Variants in SDK1 observed in about 807,000 individuals in gnomAD.
SDK1 encodes sidekick cell adhesion molecule 1, also known as protein sidekick-1.
In SDK1, 157 loss-of-function variants were observed where a neutral mutation model predicts 245.5. The ratio of observed to expected loss-of-function variants is 0.64; its 90% CI spans 0.56 to 0.73. The LOEUF (loss-of-function observed/expected upper bound fraction) is 0.73. SDK1 is among the 30% of genes least tolerant of loss of function. The pLI, the probability that SDK1 is intolerant of heterozygous loss-of-function variation, is 0.00. For missense variants in SDK1, 3,583 were observed against 3,002.3 expected (o/e 1.19, Z -4.52); for synonymous variants, 1,647 against 1,278.5 (o/e 1.29, Z -6.15).
chr7:3,703,548 T>G (rs1784801775), intron 4 of SDK1, among the ~76,000 whole-genome samples: 1 of 152,132 alleles, frequency 6.6e-6, no homozygotes, highest in Admixed American at 6.6e-5. Flanking sequence ...GGTGGTGAAG[T>G]CAGCTACACA....
chr7:3,720,004 A>G (rs1169465682), intron 4 of SDK1, among the ~76,000 whole-genome samples: 1 of 152,070 alleles, frequency 6.6e-6, no homozygotes, highest in African/African-American at 2.4e-5. Flanking sequence ...AGAAAAGGAA[A>G]ACTCAGAGTA....
intron 5 of SDK1, among the ~76,000 whole-genome samples, chr7:3,906,099 T>C (rs933225613): frequency 6.6e-6 from 1 of 152,236 alleles, no homozygotes; most frequent in Non-Finnish European, 1.5e-5. Context: ...TTCCTCAATC[T>C]CTTTTTCATT....
rs1334844506 is a variant in SDK1, at chr7:3,579,039, C to G, written c.299-40041C>G. Among the ~76,000 whole-genome samples the G allele has an allele frequency of 2.0e-5, 3 of 152,002 alleles. No homozygotes were observed. In the East Asian group the frequency reaches 5.8e-4, roughly 29 times the overall value. The stretch of plus-strand genomic sequence containing the variant: ...AATCTTCACAATTTATGTTCCTCTG[C>G]CGCGGCTCCAGCTGGTCCCTCCATT... On this transcript the variant is annotated intron_variant, in intron 1 of 44. Coordinates refer to ENST00000404826, the MANE Select transcript of SDK1 (RefSeq NM_152744.4).
At chr7:3,419,382 C>T (rs570534020) in intron 1 of SDK1, among the ~76,000 whole-genome samples, 1 of 152,254 alleles carries the variant, frequency 6.6e-6, no homozygotes, top group South Asian at 2.1e-4. Flanking sequence ...CCTCTTGTGC[C>T]TCTGCCCTTT....
At chr7:4,183,580 G>A (rs1782714127) in intron 35 of SDK1, among the ~76,000 whole-genome samples, 2 of 149,750 alleles carry the variant, frequency 1.3e-5, no homozygotes, top group African/African-American at 2.5e-5. Flanking sequence ...GGCAGAGGTT[G>A]CAGTAAGCCA....
rs112369325 is a variant in SDK1 at position 3,564,796 on chromosome 7, T to A, written c.299-54284T>A. Among the ~76,000 whole-genome samples the A allele has an allele frequency of 8.0e-3, 1,218 of 152,266 alleles. 8 individuals carry two copies. Among genetic ancestry groups the A allele is most frequent in the Middle Eastern group, 0.017 (5 of 294 alleles). ...CTAAACTTTAGAAAGTTGGTTCTTT[T>A]ATGAACTAATCCAGAAAACAGTGAA... On this transcript the variant is annotated intron_variant, in intron 1 of 44. Transcript: ENST00000404826.
At chr7:3,528,114 A>G (rs921496253) in intron 1 of SDK1, among the ~76,000 whole-genome samples, 3 of 138,102 alleles carry the variant, frequency 2.2e-5, no homozygotes, top group African/African-American at 8.3e-5. Context: ...GTAAGGTTGG[A>G]TCATAGCCAG....
At chr7:3,979,479 G>A (rs1783226966) in intron 13 of SDK1, among the ~76,000 whole-genome samples, 1 of 152,106 alleles carries the variant, frequency 6.6e-6, no homozygotes, top group Non-Finnish European at 1.5e-5. Context: ...GCCTGGACCA[G>A]TGCCAGGTAT....
At chr7:3,825,491 A>G (rs1245412969) in intron 5 of SDK1, among the ~76,000 whole-genome samples, 1 of 152,180 alleles carries the variant, frequency 6.6e-6, no homozygotes, top group African/African-American at 2.4e-5. Context: ...GCTTGGATTA[A>G]AAAGAAATGA....
chr7:3,614,068 C>A (rs903381117), intron 1 of SDK1, among the ~76,000 whole-genome samples: 2 of 152,078 alleles, frequency 1.3e-5, no homozygotes, highest in East Asian at 3.9e-4. Flanking sequence ...ACAACAAACC[C>A]CCATAGCACA....
Position 4,011,118 on chromosome 7 carries a change from G to A in SDK1, c.2279+5G>A, listed in dbSNP as rs1300194675. 8.1e-6 allele frequency: 13 copies of A among 1,612,982 alleles called. No individual in the cohort carries two copies. The South Asian group carries it at 8.8e-5, about 11-fold the overall frequency. On this transcript the variant is annotated splice_donor_5th_base_variant and intron_variant, in intron 15 of 44. Coordinates refer to ENST00000404826, the MANE Select transcript of SDK1 (RefSeq NM_152744.4). ...GTACAGCGCCGAGACAAGCAGGTGC[G>A]TGAATCCCGCCCCAGGTGGGGGTGT...
chr7:3,315,049 C>T (rs950936221), intron 1 of SDK1, among the ~76,000 whole-genome samples: 1 of 152,190 alleles, frequency 6.6e-6, no homozygotes, highest in Admixed American at 6.5e-5. Flanking sequence ...TATCTGTGTT[C>T]GTCAACAGCA....
At chr7:3,978,240 T>C (rs1783124634) in intron 13 of SDK1, among the ~76,000 whole-genome samples, 1 of 152,198 alleles carries the variant, frequency 6.6e-6, no homozygotes. Context: ...TCATAAAGAC[T>C]CTGTCAGCAG....
intron 1 of SDK1, among the ~76,000 whole-genome samples, chr7:3,333,529 C>T (rs1156326541): frequency 2.0e-5 from 3 of 152,110 alleles, no homozygotes; most frequent in African/African-American, 7.2e-5. Flanking sequence ...GGCTTTATTT[C>T]CTTTCACACT....
chr7:3,393,858 G>A (rs548294961), intron 1 of SDK1, among the ~76,000 whole-genome samples: 16 of 152,110 alleles, frequency 1.1e-4, no homozygotes, highest in African/African-American at 3.9e-4. Context: ...ATTTAGTTCA[G>A]TTTGTGAGGT....
At chr7:3,961,627 C>T (rs903659316) in intron 8 of SDK1, among the ~76,000 whole-genome samples, 2 of 152,202 alleles carry the variant, frequency 1.3e-5, no homozygotes, top group African/African-American at 4.8e-5. Flanking sequence ...TCCTCCTCGA[C>T]CCTTAACAAG....
chr7:3,428,207 GTTAT>G (rs1779730555), intron 1 of SDK1, among the ~76,000 whole-genome samples: 1 of 152,196 alleles, frequency 6.6e-6, no homozygotes, highest in Non-Finnish European at 1.5e-5. Flanking sequence ...ATACAGATCT[GTTAT>G]TTACTCAGTG....
intron 1 of SDK1, chr7:3,302,465 T>A (rs1197862145): frequency 6.6e-6 from 1 of 152,212 alleles, no homozygotes; most frequent in Non-Finnish European, 1.5e-5. Flanking sequence ...TGGCTTTGTT[T>A]TTCTCCCTCT....
intron 5 of SDK1, among the ~76,000 whole-genome samples, chr7:3,849,371 A>G (rs1188963792): frequency 6.6e-6 from 1 of 152,136 alleles, no homozygotes; most frequent in Non-Finnish European, 1.5e-5. Context: ...TCGACCTTGT[A>G]TCCTTGAGTA....
Sources: allele counts gnomAD v4.1 joint callset (sites outside exome capture counted in the v4.1 genomes callset), GRCh38; gene constraint gnomAD v4.1.1; transcripts MANE v1.5; gene names NCBI Gene and HGNC (gene_info 2026-07-23, HGNC 2026-07-21).